Variants in FER1L6 observed in about 807,000 individuals in gnomAD.
FER1L6 encodes fer-1-like protein 6.
Under a neutral mutation model 219.2 loss-of-function variants are expected in FER1L6, and 177 were observed. That is an observed-to-expected ratio of 0.81 (90% CI 0.71 to 0.91). The LOEUF is 0.91. Among genes scored for constraint, FER1L6 ranks in the 40% least tolerant of loss-of-function variants. The pLI is 0.00. For missense variants in FER1L6, 2,153 were observed against 2,259.9 expected, an observed-to-expected ratio of 0.95 and a Z score of 0.96; for synonymous variants, 768 against 824.3, an observed-to-expected ratio of 0.93 and a Z score of 1.17.
chr8:123,986,533 T>A (rs998551446), intron 12 of FER1L6, among the ~76,000 whole-genome samples: 1 of 152,186 alleles, frequency 6.6e-6, no homozygotes, highest in African/African-American at 2.4e-5. Flanking sequence ...TACACTGTTT[T>A]AGTTACTTAA....
chr8:124,109,851 G>T (rs1822944037), intron 39 of FER1L6, among the ~76,000 whole-genome samples: 1 of 152,178 alleles, frequency 6.6e-6, no homozygotes, highest in Admixed American at 6.5e-5. Flanking sequence ...CAACTGCTCT[G>T]ACTGTGGTAG....
rs118134276 is a variant in FER1L6 at position 124,073,711 on chromosome 8, A to G, written c.4092+2080A>G. ...TCAACAAATATTAAGACCCTGTTCT[A>G]TGTCCTAGAGGTAAAGTAATGAACA... On this transcript the variant is annotated intron_variant, in intron 31 of 40. Coordinates refer to ENST00000522917, the MANE Select transcript of FER1L6 (RefSeq NM_001039112.2). Among the ~76,000 whole-genome samples the G allele has an allele frequency of 8.0e-4, 122 of 152,278 alleles. 2 individuals carry two copies. In the East Asian group the frequency reaches 0.017, roughly 21 times the overall value.
In FER1L6 at chr8:124,091,450, G is replaced by A. The variant is rs907267381; in HGVS notation, c.4419G>A (p.Thr1473=). The change falls in exon 34 of 41, where the codon ACG becomes ACA. Residue 1473 remains threonine (T), a synonymous_variant. Coordinates refer to ENST00000522917, the MANE Select transcript of FER1L6 (RefSeq NM_001039112.2). ...EIEGYNAWRD[T]SKPTEILTKL... is the part of the protein sequence containing the mutation. ...AAGGATACAATGCCTGGAGAGACAC[G>A]TCCAAACCCACCGAAATCCTCACTA... 1.5e-5 allele frequency: 24 copies of A among 1,613,480 alleles called. No individual in the cohort carries two copies. Among genetic ancestry groups the A allele is most frequent in the Non-Finnish European group, 1.9e-5 (23 of 1,179,762 alleles).
intron 1 of FER1L6, among the ~76,000 whole-genome samples, chr8:123,912,825 G>T (rs73326324): frequency 1.6e-4 from 25 of 152,178 alleles, no homozygotes; most frequent in Non-Finnish European, 2.4e-4. Context: ...ATTTAAAATG[G>T]AAAGACTGTT....
At chr8:123,915,115 A>G (rs1813147086) in intron 1 of FER1L6, among the ~76,000 whole-genome samples, 1 of 151,752 alleles carries the variant, frequency 6.6e-6, no homozygotes, top group Admixed American at 6.6e-5. Context: ...AGCCAACCCA[A>G]GCTTGTGGTT....
intron 12 of FER1L6, among the ~76,000 whole-genome samples, chr8:124,002,024 C>G (rs527531580): frequency 1.3e-5 from 2 of 152,140 alleles, no homozygotes; most frequent in Non-Finnish European, 2.9e-5. Context: ...GGGAGACCAG[C>G]TACAGCCTGA....
intron 39 of FER1L6, among the ~76,000 whole-genome samples, chr8:124,114,159 T>C (rs989552652): frequency 1.3e-5 from 2 of 152,200 alleles, no homozygotes; most frequent in African/African-American, 4.8e-5. Context: ...ATTTATTGGT[T>C]GGCATTTATC....
At chr8:123,907,777 C>G (rs1056584082) in intron 1 of FER1L6, among the ~76,000 whole-genome samples, 4 of 76,060 alleles carry the variant, frequency 5.3e-5, no homozygotes, top group African/African-American at 1.5e-4. Flanking sequence ...CCAATTTCTC[C>G]TCAATACTGA....
chr8:123,881,210 G>A (rs551619285), intron 1 of FER1L6, among the ~76,000 whole-genome samples: 1 of 152,234 alleles, frequency 6.6e-6, no homozygotes, highest in Non-Finnish European at 1.5e-5. Context: ...TTTCTAAAAA[G>A]TGAATGAAGG....
chr8:124,039,923 C>T lies in FER1L6; in HGVS notation c.2506C>T (p.Arg836Trp), dbSNP rs200479041. ...GCTGAGGGCTCACATGTACCAAGCC[C>T]GGGGCCTCATCGCAGCTGACAGCAA... ...FQLRAHMYQA[R>W]GLIAADSNGL... The change falls in exon 20 of 41, where the codon CGG (arginine) becomes TGG (tryptophan). Residue 836 changes from arginine (R) to tryptophan (W), a missense_variant. By Grantham distance (101) the Arg-to-Trp change is moderately radical (BLOSUM62 -3). Coordinates refer to ENST00000522917, the MANE Select transcript of FER1L6 (RefSeq NM_001039112.2). 5.4e-5 allele frequency: 87 copies of T among 1,614,082 alleles called. No homozygotes were observed. The Middle Eastern group carries it at 6.6e-4, about 12-fold the overall frequency.
chr8:123,943,738 C>T (rs1223379448), intron 1 of FER1L6, among the ~76,000 whole-genome samples: 3 of 152,042 alleles, frequency 2.0e-5, no homozygotes. Flanking sequence ...TTGCTGCAGC[C>T]TGGGCTTCTG....
Position 123,955,985 on chromosome 8 carries a change from T to G in FER1L6, c.-7-7T>G, listed in dbSNP as rs773058880. On this transcript the variant is annotated splice_region_variant and splice_polypyrimidine_tract_variant and intron_variant, in intron 1 of 40. Coordinates refer to ENST00000522917, the MANE Select transcript of FER1L6 (RefSeq NM_001039112.2). ...TTTTATTGTTTCTTTTTTTTTCTTC[T>G]TTTCAGAAAGGGGATGTTTGGGCTG... 5.6e-6 allele frequency: 9 copies of G among 1,605,354 alleles called. No individual in the cohort carries two copies. In the Admixed American group the frequency reaches 6.8e-5, roughly 12 times the overall value.
At chr8:124,069,216 G>T (rs975337796) in intron 28 of FER1L6, 144 bp from the exon 29 acceptor site, 87 of 603,560 alleles carry the variant, frequency 1.4e-4, no homozygotes, top group Non-Finnish European at 2.0e-5. Flanking sequence ...GATTACAGGC[G>T]TGAGCCACCG....
intron 1 of FER1L6, among the ~76,000 whole-genome samples, chr8:123,858,225 T>C (rs1295004667): frequency 6.6e-6 from 1 of 152,218 alleles, no homozygotes; most frequent in African/African-American, 2.4e-5. Context: ...CAAGGCCAGT[T>C]TGGCACCTCC....
At chr8:123,995,588 C>T (rs1341175749) in intron 12 of FER1L6, among the ~76,000 whole-genome samples, 2 of 151,806 alleles carry the variant, frequency 1.3e-5, no homozygotes, top group Non-Finnish European at 2.9e-5. Context: ...ACAGGATTGT[C>T]AATTTTATCT....
chr8:124,042,101 T>C (rs1819526706), intron 20 of FER1L6, among the ~76,000 whole-genome samples: 1 of 152,226 alleles, frequency 6.6e-6, no homozygotes, highest in Non-Finnish European at 1.5e-5. Context: ...GCCACAACAC[T>C]GTGGAGTTCC....
chr8:123,952,359 A>G (rs573799573), intron 1 of FER1L6, among the ~76,000 whole-genome samples: 2 of 152,338 alleles, frequency 1.3e-5, no homozygotes, highest in Admixed American at 6.5e-5. Context: ...ACACTGAGTG[A>G]TGCCACCTGA....
chr8:123,966,695 G>C (rs1006068553), intron 5 of FER1L6, among the ~76,000 whole-genome samples: 1 of 152,118 alleles, frequency 6.6e-6, no homozygotes, highest in Admixed American at 6.5e-5. Flanking sequence ...TACTACCTTG[G>C]AAAGTAAAAG....
At position 124,097,765 on chromosome 8, in the gene FER1L6, G is replaced by A; in HGVS notation, c.4785-20G>A. 7.5e-7 allele frequency: 1 copy of A among 1,336,052 alleles called. No individual in the cohort carries two copies. Among genetic ancestry groups the A allele is most frequent in the Non-Finnish European group, 1.1e-6 (1 of 926,470 alleles). The allele number at this position is 1,336,052 out of a possible 1,614,324, so 82.8% of individuals were successfully genotyped here. On this transcript the variant is annotated intron_variant, in intron 36 of 40. Coordinates refer to ENST00000522917, the MANE Select transcript of FER1L6 (RefSeq NM_001039112.2). Reference sequence around the variant, plus strand: ...CAGCTTTCAAGGTCATCGACCTAATGCTTCCTTCTCCCATCCCAGATACGA... The same window carrying A: ...CAGCTTTCAAGGTCATCGACCTAATACTTCCTTCTCCCATCCCAGATACGA...
Sources: allele counts gnomAD v4.1 joint callset (sites outside exome capture counted in the v4.1 genomes callset), GRCh38; gene constraint gnomAD v4.1.1; transcripts MANE v1.5; gene names NCBI Gene and HGNC (gene_info 2026-07-23, HGNC 2026-07-21).